CADM1: variants seen among roughly 807,000 people sequenced by gnomAD.
CADM1 encodes the protein cell adhesion molecule 1, also known as TSLC-1.
A neutral mutation model predicts 53.1 loss-of-function variants in CADM1; 15 were observed. The ratio of observed to expected loss-of-function variants is 0.28; its 90% CI spans 0.19 to 0.44. CADM1 has a LOEUF of 0.44. Ranked by LOEUF, CADM1 falls within the 20% of genes least tolerant of loss-of-function variation. The pLI is 1.00. For missense variants in CADM1, 434 were observed against 611.3 expected (o/e 0.71, Z 3.06); for synonymous variants, 281 against 243.0 (o/e 1.16, Z -1.45).
intron 1 of CADM1, among the ~76,000 whole-genome samples, chr11:115,403,063 C>T (rs1947203881): frequency 6.6e-6 from 1 of 152,202 alleles, no homozygotes; most frequent in African/African-American, 2.4e-5. Flanking sequence ...AGAAACGTGG[C>T]AGACACCACC....
chr11:115,227,417 T>C (rs1234820428), intron 5 of CADM1, among the ~76,000 whole-genome samples: 1 of 152,144 alleles, frequency 6.6e-6, no homozygotes, highest in East Asian at 1.9e-4. Context: ...TTAAAAGATA[T>C]TCTGGGAAAA....
intron 1 of CADM1, among the ~76,000 whole-genome samples, chr11:115,327,505 T>C (rs772298934): frequency 4.1e-5 from 6 of 146,304 alleles, no homozygotes; most frequent in Non-Finnish European, 8.9e-5. Flanking sequence ...ACACTTTTGA[T>C]TGGAATACAT....
chr11:115,458,751 A>G (rs1348875967), intron 1 of CADM1, among the ~76,000 whole-genome samples: 5 of 152,052 alleles, frequency 3.3e-5, no homozygotes, highest in African/African-American at 1.2e-4. Context: ...ACATCCCACC[A>G]GACATAATTT....
chr11:115,187,372 A>G (rs1939613723), intron 10 of CADM1, among the ~76,000 whole-genome samples: 2 of 152,174 alleles, frequency 1.3e-5, no homozygotes, highest in South Asian at 2.1e-4. Context: ...CACCTCCGGG[A>G]CTGATAATCT....
chr11:115,443,126 T>G (rs909365761), intron 1 of CADM1, among the ~76,000 whole-genome samples: 1 of 152,280 alleles, frequency 6.6e-6, no homozygotes, highest in Middle Eastern at 3.4e-3. Flanking sequence ...ACAAATATTC[T>G]TGGGCTGGGA....
At chr11:115,450,599 C>A (rs1267182230) in intron 1 of CADM1, among the ~76,000 whole-genome samples, 1 of 152,192 alleles carries the variant, frequency 6.6e-6, no homozygotes, top group Non-Finnish European at 1.5e-5. Flanking sequence ...TGATTTGGTA[C>A]ATGAGAAAAC....
intron 1 of CADM1, among the ~76,000 whole-genome samples, chr11:115,269,700 T>C (rs986373596): frequency 3.9e-5 from 6 of 152,160 alleles, no homozygotes; most frequent in African/African-American, 1.4e-4. Flanking sequence ...ATTGCAAAGT[T>C]ATATGAGATT....
At chr11:115,359,117 T>C (rs1945960331) in intron 1 of CADM1, among the ~76,000 whole-genome samples, 1 of 152,166 alleles carries the variant, frequency 6.6e-6, no homozygotes, top group South Asian at 2.1e-4. Context: ...GTGTGGCTTT[T>C]CATAAGATGG....
At chr11:115,384,730 A>G (rs1264372350) in intron 1 of CADM1, among the ~76,000 whole-genome samples, 5 of 152,216 alleles carry the variant, frequency 3.3e-5, no homozygotes, top group African/African-American at 1.2e-4. Context: ...ATCAAGTATG[A>G]CTAACACCTA....
At chr11:115,481,109 T>C (rs1157276899) in intron 1 of CADM1, among the ~76,000 whole-genome samples, 1 of 152,186 alleles carries the variant, frequency 6.6e-6, no homozygotes, top group South Asian at 2.1e-4. Flanking sequence ...CACCTCCTTA[T>C]TTCCAGTCCC....
intron 1 of CADM1, among the ~76,000 whole-genome samples, chr11:115,322,858 TTAA>T (rs1944860078): frequency 6.6e-6 from 1 of 152,206 alleles, no homozygotes; most frequent in African/African-American, 2.4e-5. Flanking sequence ...TCATCCCTGC[TTAA>T]TAATATAATG....
At chr11:115,410,494 G>A (rs1947433308) in intron 1 of CADM1, among the ~76,000 whole-genome samples, 1 of 152,118 alleles carries the variant, frequency 6.6e-6, no homozygotes. Flanking sequence ...AGAATGGGAG[G>A]GTGGGGGGAA....
chr11:115,385,897 T>C (rs1205750477), intron 1 of CADM1, among the ~76,000 whole-genome samples: 1 of 152,238 alleles, frequency 6.6e-6, no homozygotes, highest in Non-Finnish European at 1.5e-5. Flanking sequence ...CTCCCTAGAC[T>C]CTACCTTTCT....
At chr11:115,379,741 A>T (rs1308917269) in intron 1 of CADM1, among the ~76,000 whole-genome samples, 1 of 152,174 alleles carries the variant, frequency 6.6e-6, no homozygotes, top group African/African-American at 2.4e-5. Flanking sequence ...TCACTTTTTG[A>T]TAGTAAAAAT....
At chr11:115,421,432 T>G (rs1193901006) in intron 1 of CADM1, among the ~76,000 whole-genome samples, 1 of 152,228 alleles carries the variant, frequency 6.6e-6, no homozygotes, top group Non-Finnish European at 1.5e-5. Context: ...CTGTCGCATC[T>G]CAACACAGCA....
At position 115,472,419 on chromosome 11, in the gene CADM1, A is replaced by G. The variant is rs572089678; in HGVS notation, c.124+31852T>C. Among the ~76,000 whole-genome samples the G allele has an allele frequency of 3.3e-3, 505 of 152,274 alleles. 2 individuals carry two copies. Among genetic ancestry groups the G allele is most frequent in the African/African-American group, 0.012 (488 of 41,530 alleles). On this transcript the variant is annotated intron_variant, in intron 1 of 11. Coordinates refer to ENST00000331581, the MANE Select transcript of CADM1 (RefSeq NM_001301043.2). ...AGTACCCAGGCTGAAATCACTAAAG[A>G]TGCCCCTCAAAAAACATATATATGT...
At chr11:115,492,431 A>C (rs1312079292) in intron 1 of CADM1, among the ~76,000 whole-genome samples, 1 of 152,212 alleles carries the variant, frequency 6.6e-6, no homozygotes, top group African/African-American at 2.4e-5. Context: ...TCAAATTATA[A>C]ATCAACAATG....
chr11:115,270,736 G>T (rs10790069), intron 1 of CADM1, among the ~76,000 whole-genome samples: 80,585 of 152,086 alleles, frequency 0.53, 24,589 homozygotes, highest in East Asian at 0.87. Context: ...CAATAAAAAC[G>T]TTGGTATGGA....
At chr11:115,234,830 T>G (rs1363224708) in intron 3 of CADM1, among the ~76,000 whole-genome samples, 1 of 136,964 alleles carries the variant, frequency 7.3e-6, no homozygotes, top group African/African-American at 2.9e-5. Context: ...GAGGCGGAGG[T>G]TGAAGTGAGT....
Sources: allele counts gnomAD v4.1 joint callset (sites outside exome capture counted in the v4.1 genomes callset), GRCh38; gene constraint gnomAD v4.1.1; transcripts MANE v1.5; gene names NCBI Gene and HGNC (gene_info 2026-07-23, HGNC 2026-07-21).